Variants in OS9 observed in about 807,000 individuals in gnomAD.
OS9 encodes protein OS-9.
A neutral mutation model predicts 84.7 loss-of-function variants in OS9; 58 were observed. The ratio of observed to expected loss-of-function variants is 0.68; its 90% CI spans 0.55 to 0.85. The LOEUF is 0.85. Ranked by LOEUF, OS9 falls within the 40% of genes least tolerant of loss-of-function variation. OS9 has a pLI of 0.00. For missense variants in OS9, 760 were observed against 850.9 expected, an observed-to-expected ratio of 0.89 and a Z score of 1.33; for synonymous variants, 278 against 320.8, an observed-to-expected ratio of 0.87 and a Z score of 1.43.
rs552305804 is a variant in OS9 at position 57,718,680 on chromosome 12, G to A, written c.1410+259G>A. Among the ~76,000 whole-genome samples the A allele has an allele frequency of 2.0e-3, 300 of 152,224 alleles. 1 individual carries two copies. Among genetic ancestry groups the A allele is most frequent in the African/African-American group, 6.9e-3 (286 of 41,528 alleles). ...AGCACTTTGGGAGGCCGAGGTGAGC[G>A]GATCACCTGAGGTCAGGAGTTCAAG... On this transcript the variant is annotated intron_variant, in intron 11 of 14. Coordinates refer to ENST00000315970, the MANE Select transcript of OS9 (RefSeq NM_006812.4).
intron 2 of OS9, 120 bp downstream of exon 2, chr12:57,695,046 G>C (rs1042403947): frequency 3.8e-5 from 30 of 780,956 alleles, no homozygotes; most frequent in Non-Finnish European, 6.2e-5. Flanking sequence ...GACCACTGGA[G>C]GAGTAGACAG....
chr12:57,705,341 A>G (rs1028225157), intron 5 of OS9, among the ~76,000 whole-genome samples: 4 of 152,022 alleles, frequency 2.6e-5, no homozygotes, highest in African/African-American at 9.7e-5. Context: ...GTTTGTTTCC[A>G]TTTACTTGTT....
In OS9 at chr12:57,694,268, T is replaced by C. The variant is rs1260138304; in HGVS notation, c.107T>C (p.Leu36Pro). ...GGVGSLNLEE[L>P]SEMRYGIEIL... is the part of the protein sequence containing the mutation. ...GTCGGGAGCCTGAACCTGGAGGAGC[T>C]GAGTGAGATGCGTTATGGGATCGAG... Residue 36 changes from leucine (L) to proline (P), a missense_variant, in exon 1 of 15, where the codon CTG becomes CCG. By Grantham distance (98) the Leu-to-Pro change is moderately conservative. Transcript: ENST00000315970. 2 of 1,613,900 alleles carry C rather than the reference T, an allele frequency of 1.2e-6. No individual in the cohort carries two copies. The highest frequency in any genetic ancestry group is 1.7e-6 in the Non-Finnish European group (2 of 1,180,008).
At chr12:57,717,140 G>T (rs1383038582) in intron 9 of OS9, among the ~76,000 whole-genome samples, 2 of 152,210 alleles carry the variant, frequency 1.3e-5, no homozygotes, top group African/African-American at 4.8e-5. Flanking sequence ...TTAGCCCCAG[G>T]ATCTCCTCTG....
intron 5 of OS9, among the ~76,000 whole-genome samples, chr12:57,700,895 AT>A (rs913572521): frequency 2.0e-5 from 3 of 152,136 alleles, no homozygotes; most frequent in African/African-American, 2.4e-5. Context: ...GATATCAAAG[AT>A]TTTTTTAAGT....
intron 5 of OS9, among the ~76,000 whole-genome samples, chr12:57,696,924 C>T (rs1406903590): frequency 6.6e-6 from 1 of 152,168 alleles, no homozygotes. Flanking sequence ...CCTTCACTCT[C>T]GCCTGCATCC....
rs1347282561 is a variant in OS9, at chr12:57,706,281, TA to T, written c.580-9474del. On this transcript the variant is annotated intron_variant, in intron 5 of 14. Transcript: ENST00000315970. Reference sequence around the variant, plus strand: ...GATAGTCATATGGTTTTTTTAATATTAAAAATGTTAATTTATTTTCTAGTTT... The same window carrying T: ...GATAGTCATATGGTTTTTTTAATATTAAAATGTTAATTTATTTTCTAGTTT... Among the ~76,000 whole-genome samples, 6 of 152,278 alleles carry T rather than the reference TA, an allele frequency of 3.9e-5. No individual in the cohort carries two copies. In the East Asian group the frequency reaches 1.2e-3, roughly 29 times the overall value.
intron 2 of OS9, chr12:57,695,551 G>A (rs1446838950): frequency 2.9e-6 from 2 of 697,534 alleles, no homozygotes; most frequent in Non-Finnish European, 2.6e-6. Context: ...AGGGAGGAAT[G>A]GAAAGACCAC....
intron 5 of OS9, among the ~76,000 whole-genome samples, chr12:57,712,408 A>G (rs1373897200): frequency 1.3e-5 from 2 of 151,984 alleles, no homozygotes; most frequent in Admixed American, 6.5e-5. Flanking sequence ...TAATTTCTAC[A>G]TATTTCTGAA....
intron 1 of OS9, 57 bp downstream of exon 1, chr12:57,694,380 G>GCGGGTA: frequency 6.4e-7 from 1 of 1,572,042 alleles, no homozygotes; most frequent in Non-Finnish European, 8.7e-7. Flanking sequence ...GTAAGAGATA[G>GCGGGTA]AGGAAGAAGG....
rs1954601210 is a variant in OS9 at position 57,719,138 on chromosome 12, A to G, written c.1556A>G (p.Lys519Arg). The G allele has an allele frequency of 5.0e-6, 8 of 1,614,178 alleles. No homozygotes were observed. The highest frequency in any genetic ancestry group is 1.6e-4 in the Middle Eastern group (1 of 6,062). The change falls in exon 12 of 15, where the codon AAG becomes AGG. Residue 519 changes from lysine (K) to arginine (R), a missense_variant. Physicochemically the swap from Lys to Arg is conservative, Grantham distance 26 (BLOSUM62 2). Coordinates refer to ENST00000315970, the MANE Select transcript of OS9 (RefSeq NM_006812.4). ...GAGCTGGTGAAGAAGCACAAGAAAA[A>G]GAGGGTTGTCCCCAAAAAGCCTCCC... ...SPELVKKHKK[K>R]RVVPKKPPPS...
chr12:57,713,706 T>TC lies in OS9; in HGVS notation c.580-2054_580-2053insC, dbSNP rs554692374. 4.4e-3 allele frequency among the ~76,000 whole-genome samples: 670 copies of TC among 151,740 alleles called. 13 individuals carry two copies. The South Asian group carries it at 0.064, about 15-fold the overall frequency. ...TCCACCGCCCCACCCCACTTTTTTT[T>TC]TTTTTTTTTTTAACTACGCTTACCT... is the stretch of plus-strand genomic sequence containing the variant. On this transcript the variant is annotated intron_variant, in intron 5 of 14. Transcript: ENST00000315970.
At chr12:57,708,342 C>T (rs1954233199) in intron 5 of OS9, among the ~76,000 whole-genome samples, 1 of 150,378 alleles carries the variant, frequency 6.6e-6, no homozygotes, top group Non-Finnish European at 1.5e-5. Context: ...TATATAAAAC[C>T]TTACTTGGGC....
At chr12:57,720,577 C>T in intron 14 of OS9, 59 bp downstream of exon 14, 1 of 1,376,124 alleles carries the variant, frequency 7.3e-7, no homozygotes, top group South Asian at 1.2e-5. Flanking sequence ...GAGGTGCGGG[C>T]TTGCCCCAGC....
At position 57,718,940 on chromosome 12, in the gene OS9, G is replaced by A; in HGVS notation, c.1411-53G>A. 6 of 1,348,802 alleles carry A rather than the reference G, an allele frequency of 4.4e-6. No homozygotes were observed. The South Asian group carries it at 6.3e-5, about 14-fold the overall frequency. The allele number at this position is 1,348,802 out of a possible 1,614,324, so 83.6% of individuals were successfully genotyped here. A position where few individuals can be genotyped will look rare whatever the true frequency, so the allele number is the denominator to read the frequency against. ...CTCTCCTACAGAGCCCAGCCCGCTG[G>A]CTGCCTCCACACCCCAGACCCTTGA... On this transcript the variant is annotated intron_variant, in intron 11 of 14. Transcript: ENST00000315970.
Position 57,715,868 on chromosome 12 carries a change from C to G in OS9, c.688C>G (p.His230Asp), listed in dbSNP as rs780557795. ...CATTCGCACTCCTCGGCTCTGCCCCCACCCTCTCCTCCGGCCCCCACCCAG... is the reference window on the plus strand; with the variant it reads ...CATTCGCACTCCTCGGCTCTGCCCCGACCCTCTCCTCCGGCCCCCACCCAG... ...LTIRTPRLCP[H>D]PLLRPPPSAA... is the part of the protein sequence containing the mutation. Residue 230 changes from histidine to aspartate, a missense_variant, in exon 6 of 15, where the codon CAC (histidine) becomes GAC (aspartate). By Grantham distance (81) the His-to-Asp change is moderately conservative. Coordinates refer to ENST00000315970, the MANE Select transcript of OS9 (RefSeq NM_006812.4). 5.6e-6 allele frequency: 9 copies of G among 1,613,688 alleles called. No individual in the cohort carries two copies. The highest frequency in any genetic ancestry group is 2.2e-5 in the East Asian group (1 of 44,906).
intron 5 of OS9, among the ~76,000 whole-genome samples, chr12:57,703,710 T>A (rs935468680): frequency 1.3e-5 from 2 of 152,260 alleles, no homozygotes; most frequent in Non-Finnish European, 2.9e-5. Flanking sequence ...GTTCTTTTTT[T>A]AATATTGTTA....
rs1954600233 is a variant in OS9, at chr12:57,719,107, A to G, written c.1525A>G (p.Ser509Gly). The change falls in exon 12 of 15, where the codon AGT becomes GGT. Residue 509 changes from serine to glycine, a missense_variant. Coordinates refer to ENST00000315970, the MANE Select transcript of OS9 (RefSeq NM_006812.4). ...KLIKRLEEKQ[S>G]PELVKKHKKK... ...CATCAAAAGACTGGAGGAAAAACAG[A>G]GTCCAGAGCTGGTGAAGAAGCACAA... 3 of 1,614,202 alleles carry G rather than the reference A, an allele frequency of 1.9e-6. No homozygotes were observed. The highest frequency in any genetic ancestry group is 2.5e-6 in the Non-Finnish European group (3 of 1,180,044).
chr12:57,718,954 C>G, intron 11 of OS9, 39 bp from the exon 12 acceptor site: 7 of 1,537,878 alleles, frequency 4.6e-6, no homozygotes, highest in Non-Finnish European at 6.3e-6. Flanking sequence ...CCTCCACACC[C>G]CAGACCCTTG....
Sources: gnomAD v4.1 joint callset for allele counts (sites outside exome capture counted in the v4.1 genomes callset) on GRCh38, gnomAD v4.1.1 for gene constraint, MANE v1.5 for transcripts, NCBI Gene and HGNC (gene_info 2026-07-23, HGNC 2026-07-21) for gene names.